LRIT3: variants seen among roughly 807,000 people sequenced by gnomAD.
The protein encoded by LRIT3 is leucine rich repeat, Ig-like and transmembrane domains 3, also known as leucine-rich repeat, immunoglobulin-like domain and transmembrane domain-containing protein 3.
A neutral mutation model predicts 22.6 loss-of-function variants in LRIT3; 14 were observed. The observed-to-expected ratio is 0.62, with a 90% CI of 0.41 to 0.97. The LOEUF (loss-of-function observed/expected upper bound fraction) is 0.97. Ranked by LOEUF, LRIT3 falls within the 50% of genes least tolerant of loss-of-function variation. The probability of loss-of-function intolerance (pLI) is 0.00; values close to 1 mark genes in which losing one functional copy is unlikely to be tolerated. For synonymous variants in LRIT3, 306 were observed against 304.5 expected, an observed-to-expected ratio of 1.01 and a Z score of -0.05; for missense variants, 783 against 803.0, an observed-to-expected ratio of 0.98 and a Z score of 0.30.
Position 109,849,799 on chromosome 4 carries a change from GATGGGGTTTC to G in LRIT3, c.116+1485_116+1494del, listed in dbSNP as rs544049110. ...AGCTAGTTTTTGTATTTTTAGTAGA[GATGGGGTTTC>G]ATCATGTTGGCCAGGCTGGTCTCAA... On this transcript the variant is annotated intron_variant, in intron 1 of 3. Coordinates refer to ENST00000594814, the MANE Select transcript of LRIT3 (RefSeq NM_198506.5). Among the ~76,000 whole-genome samples, 37 of 152,260 alleles carry G rather than the reference GATGGGGTTTC, an allele frequency of 2.4e-4. No individual in the cohort carries two copies. The East Asian group carries it at 6.9e-3, about 29-fold the overall frequency.
chr4:109,860,716 T>C (rs535080010), intron 2 of LRIT3, among the ~76,000 whole-genome samples: 1 of 152,350 alleles, frequency 6.6e-6, no homozygotes, highest in African/African-American at 2.4e-5. Context: ...CCAGTCAATC[T>C]TGCCTCACCT....
rs1734810179 is a variant in LRIT3 at position 109,870,587 on chromosome 4, C to T, written c.1838C>T (p.Ser613Leu). 6.2e-7 allele frequency: 1 copy of T among 1,613,796 alleles called. No individual in the cohort carries two copies. Among genetic ancestry groups the T allele is most frequent in the Non-Finnish European group, 8.5e-7 (1 of 1,179,750 alleles). Residue 613 changes from serine (S) to leucine (L), a missense_variant, in exon 4 of 4, where the codon TCA (serine) becomes TTA (leucine). Ser to Leu is a moderately radical substitution (Grantham distance 145). This residue lies in a region of LRIT3 where 756 missense variants were observed against 753.8 expected (regional missense o/e 1.00). Coordinates refer to ENST00000594814, the MANE Select transcript of LRIT3 (RefSeq NM_198506.5). ...LYKVCKLQCK[S>L]EPFWEDDLAK... is the part of the protein sequence containing the mutation. ...AAAGTTTGCAAACTGCAATGTAAAT[C>T]AGAACCTTTTTGGGAAGATGATTTG...
At chr4:109,864,334 G>A (rs1734627167) in intron 2 of LRIT3, among the ~76,000 whole-genome samples, 1 of 152,020 alleles carries the variant, frequency 6.6e-6, no homozygotes, top group East Asian at 1.9e-4. Context: ...TTGCCCTAGA[G>A]GACACTTGCC....
rs1473704125 is a variant in LRIT3, at chr4:109,869,939, T to C, written c.1190T>C (p.Phe397Ser). The change falls in exon 4 of 4, where the codon TTT becomes TCT. Residue 397 changes from phenylalanine to serine, a missense_variant. By Grantham distance (155) the Phe-to-Ser change is radical. Around this residue, in one of 2 missense-constraint regions of LRIT3, gnomAD observed 756 missense variants for 753.8 expected, o/e 1.00. Transcript: ENST00000594814. ...WSSSFSPTSS[F>S]SASTLSPPST... ...TCTTCCTTCTCCCCCACATCTTCTT[T>C]TTCTGCTTCTACTTTGTCTCCTCCC... is the stretch of plus-strand genomic sequence containing the variant. 8 of 1,606,148 alleles carry C rather than the reference T, an allele frequency of 5.0e-6. No homozygotes were observed. The highest frequency in any genetic ancestry group is 6.0e-6 in the Non-Finnish European group (7 of 1,172,638).
At position 109,870,533 on chromosome 4, in the gene LRIT3, T is replaced by A. The variant is rs774370514; in HGVS notation, c.1784T>A (p.Ile595Asn). 11 of 1,614,250 alleles carry A rather than the reference T, an allele frequency of 6.8e-6. 1 individual carries two copies. The Admixed American group carries it at 1.8e-4, about 27-fold the overall frequency. ...LVVTSTACVV[I>N]LPLICFLLYK... ...GTGACCAGTACTGCCTGTGTTGTTA[T>A]CTTACCATTGATTTGTTTCTTGTTG... The change falls in exon 4 of 4, where the codon ATC (isoleucine) becomes AAC (asparagine). Residue 595 changes from isoleucine to asparagine, a missense_variant. Coordinates refer to ENST00000594814, the MANE Select transcript of LRIT3 (RefSeq NM_198506.5).
chr4:109,865,049 G>T, intron 2 of LRIT3: 1 of 1,401,486 alleles, frequency 7.1e-7, no homozygotes, highest in South Asian at 1.8e-5. Flanking sequence ...AGTGATGATG[G>T]ATTTTAGTGT....
chr4:109,871,394 C>G lies in LRIT3; in HGVS notation c.*605C>G, dbSNP rs1025182716. 1.2e-4 allele frequency: 19 copies of G among 152,074 alleles called. No homozygotes were observed. Among genetic ancestry groups the G allele is most frequent in the African/African-American group, 4.3e-4 (18 of 41,492 alleles). The allele number at this position is 152,074 out of a possible 1,614,324, so 9.4% of individuals were successfully genotyped here. A position where few individuals can be genotyped will look rare whatever the true frequency, so the allele number is the denominator to read the frequency against. On this transcript the variant is annotated 3_prime_UTR_variant, in exon 4 of 4. Coordinates refer to ENST00000594814, the MANE Select transcript of LRIT3 (RefSeq NM_198506.5). Reference sequence around the variant, plus strand: ...TTTTCTTTAGAAATATAGGTATTAGCAAAAGTAAGTATACAAAGAGGATTA... The same window carrying G: ...TTTTCTTTAGAAATATAGGTATTAGGAAAAGTAAGTATACAAAGAGGATTA...
At position 109,870,661 on chromosome 4, in the gene LRIT3, A is replaced by G. The variant is rs1734813121; in HGVS notation, c.1912A>G (p.Ser638Gly). 3 of 1,614,138 alleles carry G rather than the reference A, an allele frequency of 1.9e-6. No individual in the cohort carries two copies. The highest frequency in any genetic ancestry group is 2.5e-6 in the Non-Finnish European group (3 of 1,179,998). ...TGAGACCCTGTTTCCCAGGTCTCAA[A>G]GTGTAGGTGAGCTCTGGACACGAAG... ...QFETLFPRSQ[S>G]VGELWTRSHR... The change falls in exon 4 of 4, where the codon AGT becomes GGT. Residue 638 changes from serine to glycine, a missense_variant. Physicochemically the swap from Ser to Gly is moderately conservative, Grantham distance 56. Around this residue, in one of 2 missense-constraint regions of LRIT3, gnomAD observed 756 missense variants for 753.8 expected, o/e 1.00. Coordinates refer to ENST00000594814, the MANE Select transcript of LRIT3 (RefSeq NM_198506.5).
At chr4:109,861,524 G>A (rs972099007) in intron 2 of LRIT3, among the ~76,000 whole-genome samples, 1 of 151,822 alleles carries the variant, frequency 6.6e-6, no homozygotes, top group Admixed American at 6.6e-5. Context: ...GGGGGTGGGT[G>A]GGTCAGGAAG....
chr4:109,867,840 C>T lies in LRIT3; in HGVS notation c.789C>T (p.Ile263=). 6.2e-7 allele frequency: 1 copy of T among 1,614,184 alleles called. No individual in the cohort carries two copies. The highest frequency in any genetic ancestry group is 8.5e-7 in the Non-Finnish European group (1 of 1,180,028). ...CAGTGATGACCTCAGCCACCAAAAT[C>T]ATGTCTGCTCTGGGCAGTAATGTTC... is the stretch of plus-strand genomic sequence containing the variant. The part of the protein sequence containing the change: ...KPSVMTSATK[I]MSALGSNVLL... Residue 263 remains isoleucine, a synonymous_variant, in exon 3 of 4, where the codon ATC becomes ATT. Coordinates refer to ENST00000594814, the MANE Select transcript of LRIT3 (RefSeq NM_198506.5).
At position 109,870,135 on chromosome 4, in the gene LRIT3, T is replaced by C. The variant is rs1734790916; in HGVS notation, c.1386T>C (p.Pro462=). ...LKVAKNGSKL[P]PASTSKKEEL... is the part of the protein sequence containing the mutation. The stretch of plus-strand genomic sequence containing the variant: ...TGGCAAAGAATGGAAGTAAGCTTCC[T>C]CCAGCCAGCACAAGTAAGAAAGAAG... The change falls in exon 4 of 4, where the codon CCT becomes CCC. Residue 462 remains proline (P), a synonymous_variant. Transcript: ENST00000594814. The C allele has an allele frequency of 1.2e-6, 2 of 1,614,036 alleles. No individual in the cohort carries two copies. The highest frequency in any genetic ancestry group is 1.7e-6 in the Non-Finnish European group (2 of 1,180,028).
Position 109,869,731 on chromosome 4 carries a change from T to C in LRIT3, c.982T>C (p.Cys328Arg), listed in dbSNP as rs763421788. ...ISSKDAGDYK[C>R]KAKNLAGMSE... ...TTCCAAAGACGCTGGGGATTACAAATGTAAGGCCAAAAATCTGGCTGGGAT... is the reference window on the plus strand; with the variant it reads ...TTCCAAAGACGCTGGGGATTACAAACGTAAGGCCAAAAATCTGGCTGGGAT... The change falls in exon 4 of 4, where the codon TGT (cysteine) becomes CGT (arginine). Residue 328 changes from cysteine (C) to arginine (R), a missense_variant. Cys to Arg is a radical substitution (Grantham distance 180). This residue lies in a region of LRIT3 where 756 missense variants were observed against 753.8 expected (regional missense o/e 1.00). Transcript: ENST00000594814. 1.2e-6 allele frequency: 2 copies of C among 1,612,682 alleles called. No individual in the cohort carries two copies. The highest frequency in any genetic ancestry group is 1.1e-5 in the South Asian group (1 of 90,862).
rs1370834795 is a variant in LRIT3 at position 109,870,145 on chromosome 4, A to G, written c.1396A>G (p.Thr466Ala). 6.2e-7 allele frequency: 1 copy of G among 1,614,234 alleles called. No individual in the cohort carries two copies. The highest frequency in any genetic ancestry group is 1.1e-5 in the South Asian group (1 of 91,084). ...KNGSKLPPAS[T>A]SKKEELALLD... The stretch of plus-strand genomic sequence containing the variant: ...TGGAAGTAAGCTTCCTCCAGCCAGC[A>G]CAAGTAAGAAAGAAGAGCTGGCATT... Residue 466 changes from threonine to alanine, a missense_variant, in exon 4 of 4, where the codon ACA becomes GCA. Transcript: ENST00000594814.
intron 1 of LRIT3, among the ~76,000 whole-genome samples, chr4:109,850,269 A>T (rs578130646): frequency 6.6e-6 from 1 of 152,210 alleles, no homozygotes; most frequent in Admixed American, 6.5e-5. Flanking sequence ...TGAGTATCTC[A>T]TAGGAGATAA....
chr4:109,861,194 C>T (rs903849562), intron 2 of LRIT3, among the ~76,000 whole-genome samples: 3 of 152,022 alleles, frequency 2.0e-5, no homozygotes, highest in African/African-American at 7.2e-5. Context: ...TGTGGCGAAA[C>T]CCTGCCTCTA....
In LRIT3 at chr4:109,870,063, C is replaced by T. The variant is rs886058986; in HGVS notation, c.1314C>T (p.Asn438=). The change falls in exon 4 of 4, where the codon AAC becomes AAT. Residue 438 remains asparagine, a synonymous_variant. Transcript: ENST00000594814. ...TCTCAGCAAGTACCACCATGGCCAA[C>T]AAGCGATCATTCCAGCTCCACCAAG... is the stretch of plus-strand genomic sequence containing the variant. ...TSISASTTMA[N]KRSFQLHQGG... is the part of the protein sequence containing the mutation. The T allele has an allele frequency of 1.2e-6, 2 of 1,614,170 alleles. No individual in the cohort carries two copies. Among genetic ancestry groups the T allele is most frequent in the Non-Finnish European group, 1.7e-6 (2 of 1,180,040 alleles).
At chr4:109,850,398 C>CTTTCTTTCTCTTTCTTTCTTT (rs1232045350) in intron 1 of LRIT3, among the ~76,000 whole-genome samples, 1 of 574 alleles carries the variant, frequency 1.7e-3, no homozygotes, top group African/African-American at 3.5e-3. Flanking sequence ...TTCCTTCCTT[C>CTTTCTTTCTCTTTCTTTCTTT]CTTCCTTCCT....
intron 2 of LRIT3, among the ~76,000 whole-genome samples, chr4:109,855,334 G>T (rs1383771059): frequency 6.6e-6 from 1 of 152,094 alleles, no homozygotes. Flanking sequence ...GTGTAGAGGT[G>T]TTTATAGTAT....
In LRIT3 at chr4:109,870,109, G is replaced by T; in HGVS notation, c.1360G>T (p.Val454Leu). 6.2e-7 allele frequency: 1 copy of T among 1,614,172 alleles called. No homozygotes were observed. The highest frequency in any genetic ancestry group is 8.5e-7 in the Non-Finnish European group (1 of 1,180,022). ...CCAAGGTGGGAAAAGAAATTTAAAG[G>T]TGGCAAAGAATGGAAGTAAGCTTCC... ...LHQGGKRNLK[V>L]AKNGSKLPPA... is the part of the protein sequence containing the mutation. The change falls in exon 4 of 4, where the codon GTG becomes TTG. Residue 454 changes from valine to leucine, a missense_variant. Transcript: ENST00000594814.
Sources: gnomAD v4.1 joint callset for allele counts (sites outside exome capture counted in the v4.1 genomes callset) on GRCh38, gnomAD v4.1.1 for gene constraint, gnomAD v4.1.1 regional missense constraint, MANE v1.5 for transcripts, NCBI Gene and HGNC (gene_info 2026-07-23, HGNC 2026-07-21) for gene names.